The following PDZK1 variants were observed in gnomAD, a reference collection of about 807,000 sequenced individuals.
PDZK1 encodes the protein Na(+)/H(+) exchange regulatory cofactor NHE-RF3.
PDZK1 carries 23 observed loss-of-function variants against 38.1 expected under a neutral mutation model. The observed-to-expected ratio is 0.60, with a 90% CI of 0.43 to 0.85. The LOEUF (loss-of-function observed/expected upper bound fraction) is 0.85, where lower values mean the gene tolerates loss of function less well. Ranked by LOEUF, PDZK1 falls within the 40% of genes least tolerant of loss-of-function variation. The pLI, the probability that PDZK1 is intolerant of heterozygous loss-of-function variation, is 0.00. For synonymous variants in PDZK1, 98 were observed against 186.2 expected (o/e 0.53, Z 3.86); for missense variants, 297 against 504.3 (o/e 0.59, Z 3.94).
At chr1:145,677,273 AATTT>A (rs1653777295) in intron 6 of PDZK1, among the ~76,000 whole-genome samples, 1 of 151,720 alleles carries the variant, frequency 6.6e-6, no homozygotes, top group African/African-American at 2.4e-5. Context: ...GTACATCTGA[AATTT>A]ATTCTTATTT....
At chr1:145,675,666 T>A (rs1300161258) in intron 6 of PDZK1, among the ~76,000 whole-genome samples, 3 of 152,078 alleles carry the variant, frequency 2.0e-5, no homozygotes, top group Non-Finnish European at 2.9e-5. Context: ...AACAAGCAAA[T>A]CAACTGTATC....
intron 1 of PDZK1, among the ~76,000 whole-genome samples, chr1:145,701,099 G>A (rs1395921017): frequency 6.6e-6 from 1 of 151,870 alleles, no homozygotes. Context: ...CAGCTACTCG[G>A]GAGGCTGAGA....
chr1:145,672,169 A>G (rs1553698050), intron 8 of PDZK1, among the ~76,000 whole-genome samples: 1 of 152,224 alleles, frequency 6.6e-6, no homozygotes, highest in Non-Finnish European at 1.5e-5. Flanking sequence ...AGAGAATAAT[A>G]TAGAGAATGC....
intron 3 of PDZK1, among the ~76,000 whole-genome samples, chr1:145,684,596 A>G (rs1254539141): frequency 9.9e-5 from 15 of 152,174 alleles, no homozygotes; most frequent in Admixed American, 2.6e-4. Context: ...ATAATGAACA[A>G]ATCAGGGTGT....
chr1:145,706,204 T>G (rs968630457), intron 1 of PDZK1, among the ~76,000 whole-genome samples: 5 of 152,202 alleles, frequency 3.3e-5, no homozygotes, highest in Admixed American at 2.6e-4. Context: ...CTCTGATGAT[T>G]TGTATTCCAG....
Position 145,686,525 on chromosome 1 carries a change from G to C in PDZK1, c.412C>G (p.Leu138Val). 3.7e-6 allele frequency: 6 copies of C among 1,611,956 alleles called. No individual in the cohort carries two copies. The highest frequency in any genetic ancestry group is 5.1e-6 in the Non-Finnish European group (6 of 1,179,848). Residue 138 changes from leucine (L) to valine (V), a missense_variant, in exon 3 of 9, where the codon CTC becomes GTC. Coordinates refer to ENST00000417171, the MANE Select transcript of PDZK1 (RefSeq NM_001201325.2). ...CCATAGCTGCCTCCTTCCTTCACGA[G>C]ATAGCAGAGCCGGGGCTGGGTCCAA... ...QTWTQPRLCY[L>V]VKEGGSYGFS...
At chr1:145,678,382 A>G in intron 6 of PDZK1, 67 bp downstream of exon 6, 1 of 213,240 alleles carries the variant, frequency 4.7e-6, no homozygotes, top group Non-Finnish European at 7.6e-6. Flanking sequence ...AACTCAGTGC[A>G]AAAGTTGAGG....
At chr1:145,691,687 T>G (rs1458750918) in intron 1 of PDZK1, 1 of 152,178 alleles carries the variant, frequency 6.6e-6, no homozygotes, top group Non-Finnish European at 1.5e-5. Flanking sequence ...TACACATCTT[T>G]AGTCCCAGCT....
intron 1 of PDZK1, among the ~76,000 whole-genome samples, chr1:145,701,508 G>T (rs1156366879): frequency 7.9e-5 from 12 of 152,138 alleles, no homozygotes; most frequent in African/African-American, 2.7e-4. Flanking sequence ...TGTTCTTGCA[G>T]CACTTGTGTG....
intron 1 of PDZK1, among the ~76,000 whole-genome samples, chr1:145,693,840 C>T (rs1655459791): frequency 1.3e-5 from 2 of 151,988 alleles, no homozygotes. Context: ...GGATAACTCC[C>T]TCCCTCATGG....
At chr1:145,690,763 C>T (rs1348431985) in intron 1 of PDZK1, among the ~76,000 whole-genome samples, 1 of 152,140 alleles carries the variant, frequency 6.6e-6, no homozygotes, top group Non-Finnish European at 1.5e-5. Context: ...AGAACCAGCC[C>T]TGTGTTTGGA....
At chr1:145,671,788 C>T in intron 8 of PDZK1, 1 of 332,758 alleles carries the variant, frequency 3.0e-6, no homozygotes, top group Non-Finnish European at 5.7e-6. Flanking sequence ...TTAACAAATT[C>T]CTTAATGTCT....
intron 1 of PDZK1, among the ~76,000 whole-genome samples, chr1:145,690,021 T>C (rs377405746): frequency 7.9e-5 from 12 of 152,148 alleles, no homozygotes; most frequent in Non-Finnish European, 1.0e-4. Context: ...CCATCGAGCA[T>C]TGAGGCAAGA....
At position 145,678,218 on chromosome 1, in the gene PDZK1, A is replaced by G. The variant is rs371096621; in HGVS notation, c.990+231T>C. ...GATCACCAAGAGTAAGCCTGCAGTT[A>G]TATTCACAAATTCTTTCAAAATCTT... On this transcript the variant is annotated intron_variant, in intron 6 of 8. Coordinates refer to ENST00000417171, the MANE Select transcript of PDZK1 (RefSeq NM_001201325.2). 1.2e-4 allele frequency among the ~76,000 whole-genome samples: 6 copies of G among 48,038 alleles called. No individual in the cohort carries two copies. In the East Asian group the frequency reaches 3.1e-3, roughly 25 times the overall value. The allele number at this position is 48,038 out of a possible 152,430, so 31.5% of individuals were successfully genotyped here.
intron 1 of PDZK1, among the ~76,000 whole-genome samples, chr1:145,695,020 C>T (rs148463927): frequency 6.6e-6 from 1 of 151,162 alleles, no homozygotes; most frequent in African/African-American, 2.4e-5. Context: ...TTAGGCAGGA[C>T]TTGATTTGAG....
At chr1:145,694,914 A>AAAAAAAGG (rs1553703895) in intron 1 of PDZK1, among the ~76,000 whole-genome samples, 27 of 149,790 alleles carry the variant, frequency 1.8e-4, no homozygotes, top group African/African-American at 6.7e-4. Flanking sequence ...AAAAAAAAAA[A>AAAAAAAGG]AAAAAAGGAA....
At position 145,688,005 on chromosome 1, in the gene PDZK1, T is replaced by C. The variant is rs781847163; in HGVS notation, c.17A>G (p.Asn6Ser). 1 of 1,613,246 alleles carries C rather than the reference T, an allele frequency of 6.2e-7. No homozygotes were observed. Among genetic ancestry groups the C allele is most frequent in the Non-Finnish European group, 8.5e-7 (1 of 1,179,694 alleles). The change falls in exon 2 of 9, where the codon AAC becomes AGC. Residue 6 changes from asparagine to serine, a missense_variant. Asn to Ser is a conservative substitution (Grantham distance 46, BLOSUM62 1). Transcript: ENST00000417171. ...CTTGGACAGTTTACATTCTCGGGGG[T>C]TGAAGGTGGAGGTCATTTCTGTGAT... is the stretch of plus-strand genomic sequence containing the variant. MTSTF[N>S]PRECKLSKQE...
chr1:145,700,348 C>G (rs1655889926), intron 1 of PDZK1, among the ~76,000 whole-genome samples: 1 of 152,146 alleles, frequency 6.6e-6, no homozygotes, highest in South Asian at 2.1e-4. Flanking sequence ...GTCCAGGGAG[C>G]TTTAACAGAA....
chr1:145,672,692 G>C (rs781857884), intron 8 of PDZK1, 38 bp downstream of exon 8: 6 of 1,611,056 alleles, frequency 3.7e-6, no homozygotes, highest in Non-Finnish European at 5.1e-6. Context: ...CCATACTCTA[G>C]TAAATTAGAT....
Sources: gnomAD v4.1 joint callset for allele counts (sites outside exome capture counted in the v4.1 genomes callset) on GRCh38, gnomAD v4.1.1 for gene constraint, MANE v1.5 for transcripts, NCBI Gene and HGNC (gene_info 2026-07-23, HGNC 2026-07-21) for gene names.